Variants in MAP4K4 observed in about 807,000 individuals in gnomAD.
MAP4K4 encodes the protein mitogen-activated protein kinase kinase kinase kinase 4, also known as HPK/GCK-like kinase HGK.
A neutral mutation model predicts 189.6 loss-of-function variants in MAP4K4; 38 were observed. That is an observed-to-expected ratio of 0.20 (90% CI 0.15 to 0.26). MAP4K4 has a LOEUF of 0.26. Ranked by LOEUF, MAP4K4 falls within the 10% of genes least tolerant of loss-of-function variation. The pLI is 1.00. For missense variants in MAP4K4, 1,054 were observed against 1,726.9 expected (o/e 0.61, Z 6.91); for synonymous variants, 610 against 624.3 (o/e 0.98, Z 0.34).
chr2:101,858,242 A>C (rs1368307538), intron 13 of MAP4K4, among the ~76,000 whole-genome samples: 1 of 152,172 alleles, frequency 6.6e-6, no homozygotes, highest in Non-Finnish European at 1.5e-5. Flanking sequence ...TATAATACGC[A>C]TGCAGCTTTG....
intron 2 of MAP4K4, among the ~76,000 whole-genome samples, chr2:101,699,451 C>G (rs534118155): frequency 1.3e-5 from 2 of 152,014 alleles, no homozygotes; most frequent in African/African-American, 4.8e-5. Flanking sequence ...TAAATTTTTC[C>G]TGTCTTAATT....
At chr2:101,856,333 TAAA>T (rs2097458384) in intron 13 of MAP4K4, among the ~76,000 whole-genome samples, 195 bp downstream of exon 13, 3 of 152,186 alleles carry the variant, frequency 2.0e-5, no homozygotes. Flanking sequence ...TCTCTTGTCT[TAAA>T]AAGGGTTTAT....
At chr2:101,881,732 A>G (rs1401608300) in intron 27 of MAP4K4, among the ~76,000 whole-genome samples, 5 of 152,130 alleles carry the variant, frequency 3.3e-5, no homozygotes, top group African/African-American at 1.2e-4. Context: ...AGTTTTTATT[A>G]TAAGTAGGTA....
chr2:101,761,014 G>A (rs1347085875), intron 2 of MAP4K4, among the ~76,000 whole-genome samples: 1 of 152,088 alleles, frequency 6.6e-6, no homozygotes, highest in African/African-American at 2.4e-5. Context: ...AAAAAAAATT[G>A]TTTAAAGTGG....
chr2:101,726,369 G>C (rs2055383179), intron 2 of MAP4K4, among the ~76,000 whole-genome samples: 1 of 152,208 alleles, frequency 6.6e-6, no homozygotes, highest in African/African-American at 2.4e-5. Context: ...GTCATGGGTG[G>C]TTAGACAGGT....
At chr2:101,738,547 T>G (rs1054193235) in intron 2 of MAP4K4, among the ~76,000 whole-genome samples, 1 of 152,190 alleles carries the variant, frequency 6.6e-6, no homozygotes, top group African/African-American at 2.4e-5. Flanking sequence ...AGAAATCGAC[T>G]TGTAGAGTGA....
rs148580946 is a variant in MAP4K4, at chr2:101,811,246, C to T, written c.181-12682C>T. Among the ~76,000 whole-genome samples, 715 of 151,778 alleles carry T rather than the reference C, an allele frequency of 4.7e-3. 9 individuals are homozygous for T. The highest frequency in any genetic ancestry group is 0.016 in the African/African-American group (643 of 41,358). On this transcript the variant is annotated intron_variant, in intron 3 of 32. Coordinates refer to ENST00000324219, the Ensembl canonical transcript of MAP4K4. ...ATTAGCTGGGCTTGGTGGCGGGTGC[C>T]TGTAGTCCCAGCTACTCGGGAAGCT... is the stretch of plus-strand genomic sequence containing the variant.
At chr2:101,742,879 A>C (rs2063481189) in intron 2 of MAP4K4, among the ~76,000 whole-genome samples, 2 of 152,228 alleles carry the variant, frequency 1.3e-5, no homozygotes, top group East Asian at 3.8e-4. Context: ...CATGTCAGTT[A>C]TAGTTTAGAA....
intron 3 of MAP4K4, among the ~76,000 whole-genome samples, chr2:101,805,111 C>A (rs918338668): frequency 8.6e-5 from 13 of 150,458 alleles, no homozygotes; most frequent in African/African-American, 2.4e-4. Flanking sequence ...AATATTTTGA[C>A]CTTTTTATTG....
intron 26 of MAP4K4, among the ~76,000 whole-genome samples, chr2:101,875,817 T>C (rs1423316906): frequency 6.6e-6 from 1 of 152,232 alleles, no homozygotes; most frequent in African/African-American, 2.4e-5. Flanking sequence ...GGAGAAGTGC[T>C]TTGGCCAAGG....
chr2:101,892,359 A>C (rs887777268), exon 33 of MAP4K4: 1 of 154,270 alleles, frequency 6.5e-6, no homozygotes, highest in African/African-American at 2.4e-5. Flanking sequence ...AGAACTGTCC[A>C]TGAAGATGGG....
chr2:101,804,916 A>G (rs1159752769), intron 3 of MAP4K4, among the ~76,000 whole-genome samples: 3 of 151,930 alleles, frequency 2.0e-5, no homozygotes, highest in Non-Finnish European at 2.9e-5. Context: ...TCTACTAAAG[A>G]TACAAAAATT....
At chr2:101,863,821 G>A (rs769498823) in exon 17 of MAP4K4, 1 of 1,366,452 alleles carries the variant, frequency 7.3e-7, no homozygotes, top group East Asian at 4.5e-5. Context: ...TTCTTGTAAG[G>A]TACAGTGGTC....
At chr2:101,769,763 G>A (rs929507326) in intron 2 of MAP4K4, among the ~76,000 whole-genome samples, 1 of 151,776 alleles carries the variant, frequency 6.6e-6, no homozygotes, top group Non-Finnish European at 1.5e-5. Flanking sequence ...TTTGTTTTTA[G>A]TAGAGACGAG....
intron 29 of MAP4K4, 50 bp from the exon 30 acceptor site, chr2:101,887,038 A>T: frequency 7.3e-7 from 1 of 1,367,022 alleles, no homozygotes; most frequent in Non-Finnish European, 9.7e-7. Flanking sequence ...AAAAAAAAAA[A>T]AAAAAATGTT....
chr2:101,854,966 G>T (rs866261629), intron 12 of MAP4K4, among the ~76,000 whole-genome samples: 6 of 152,154 alleles, frequency 3.9e-5, no homozygotes, highest in African/African-American at 1.4e-4. Flanking sequence ...TATTTCAGGT[G>T]CTCATTAGCA....
chr2:101,739,066 A>G (rs2061585071), intron 2 of MAP4K4, among the ~76,000 whole-genome samples: 2 of 152,162 alleles, frequency 1.3e-5, no homozygotes, highest in South Asian at 2.1e-4. Context: ...ACTGTTACAC[A>G]TAATATCTAG....
chr2:101,843,227 G>C (rs751050065), intron 11 of MAP4K4, among the ~76,000 whole-genome samples: 17 of 152,162 alleles, frequency 1.1e-4, no homozygotes, highest in Non-Finnish European at 2.2e-4. Context: ...GTGATGTTGG[G>C]TGTGCCTGGC....
exon 23 of MAP4K4, chr2:101,870,405 T>C (rs773555909): frequency 1.2e-6 from 2 of 1,613,680 alleles, no homozygotes; most frequent in Admixed American, 1.7e-5. Context: ...GGCACTCTAA[T>C]CGTCCGCCAG....
Sources: gnomAD v4.1 joint callset for allele counts (sites outside exome capture counted in the v4.1 genomes callset) on GRCh38, gnomAD v4.1.1 for gene constraint, MANE v1.5 for transcripts, NCBI Gene and HGNC (gene_info 2026-07-23, HGNC 2026-07-21) for gene names.